The following RTN4 variants were observed in gnomAD, a reference collection of about 807,000 sequenced individuals.
RTN4 encodes reticulon-4.
In RTN4, 32 loss-of-function variants were observed where a neutral mutation model predicts 90.4. The observed-to-expected ratio is 0.35, with a 90% CI of 0.27 to 0.48. The LOEUF (loss-of-function observed/expected upper bound fraction) is 0.48, where lower values mean the gene tolerates loss of function less well. Ranked by LOEUF, RTN4 falls within the 20% of genes least tolerant of loss-of-function variation. RTN4 has a pLI of 0.99. For synonymous variants in RTN4, 629 were observed against 552.5 expected, an observed-to-expected ratio of 1.14 and a Z score of -1.94; for missense variants, 1,706 against 1,430.2, an observed-to-expected ratio of 1.19 and a Z score of -3.11.
Position 55,067,324 on chromosome 2 carries a change from G to T in RTN4, c.-63+13165C>A, listed in dbSNP as rs568049467. Among the ~76,000 whole-genome samples, 225 of 152,104 alleles carry T rather than the reference G, an allele frequency of 1.5e-3. No homozygotes were observed. In the Middle Eastern group the frequency reaches 0.041, roughly 28 times the overall value. ...ACTTTGGAAAGTACAAAGCACCATC[G>T]AAATGGAGTCATTAATGTTTTTAAA... is the stretch of plus-strand genomic sequence containing the variant. On this transcript the variant is annotated intron_variant, in intron 2 of 3. Transcript: ENST00000427710.
At chr2:55,093,576 C>A (rs1426484010) in intron 1 of RTN4, among the ~76,000 whole-genome samples, 2 of 152,208 alleles carry the variant, frequency 1.3e-5, no homozygotes, top group South Asian at 4.1e-4. Flanking sequence ...CCGGAGGAAG[C>A]CCTGAGTCAT....
chr2:55,116,268 C>T (rs867757489), upstream of RTN4, among the ~76,000 whole-genome samples: 11 of 151,944 alleles, frequency 7.2e-5, no homozygotes, highest in African/African-American at 2.7e-4. Context: ...GGACCAGCAG[C>T]TGATAAGACT....
At chr2:55,103,247 A>T (rs559699171) in intron 1 of RTN4, among the ~76,000 whole-genome samples, 20 of 152,218 alleles carry the variant, frequency 1.3e-4, no homozygotes, top group African/African-American at 4.1e-4. Flanking sequence ...GTATGATCTC[A>T]CTTACATGTG....
chr2:55,100,878 A>T (rs574394664), intron 1 of RTN4, among the ~76,000 whole-genome samples: 32 of 146,496 alleles, frequency 2.2e-4, no homozygotes, highest in South Asian at 2.1e-4. Flanking sequence ...CACTCTTAGC[A>T]TTTTTTTTTT....
intron 2 of RTN4, among the ~76,000 whole-genome samples, chr2:55,074,186 G>A (rs1668561791): frequency 6.6e-6 from 1 of 152,172 alleles, no homozygotes; most frequent in Middle Eastern, 3.2e-3. Context: ...CTGAAGCTAG[G>A]TCAGAGATGA....
chr2:54,985,984 A>G (rs2104664508), intron 4 of RTN4, among the ~76,000 whole-genome samples: 1 of 152,350 alleles, frequency 6.6e-6, no homozygotes, highest in African/African-American at 2.4e-5. Flanking sequence ...TGCAGTAGGA[A>G]CTGAATTTTC....
At chr2:55,014,783 G>C (rs1158616784) in intron 3 of RTN4, among the ~76,000 whole-genome samples, 2 of 152,062 alleles carry the variant, frequency 1.3e-5, no homozygotes, top group East Asian at 1.9e-4. Flanking sequence ...CCAAAGTGCT[G>C]GGATTACAGA....
intron 1 of RTN4, among the ~76,000 whole-genome samples, chr2:55,033,841 G>C (rs1252458494): frequency 6.6e-6 from 1 of 152,026 alleles, no homozygotes; most frequent in Non-Finnish European, 1.5e-5. Flanking sequence ...AGAGTGACTG[G>C]GTTATATATC....
chr2:55,048,959 C>T (rs1558853443), intron 1 of RTN4: 1 of 292,644 alleles, frequency 3.4e-6, no homozygotes, highest in Non-Finnish European at 5.1e-6. Context: ...GCAGCTGAAA[C>T]CCCGGCAGAA....
intron 1 of RTN4, among the ~76,000 whole-genome samples, chr2:55,090,154 A>G (rs1573510899): frequency 6.6e-6 from 1 of 152,102 alleles, no homozygotes; most frequent in Admixed American, 6.6e-5. Context: ...GAGTGGAAGG[A>G]TAGGGCTGGA....
At chr2:55,129,488 G>A in the RTN4 span, among the ~76,000 whole-genome samples, 1 of 152,112 alleles carries the variant, frequency 6.6e-6, no homozygotes, top group Non-Finnish European at 1.5e-5. Flanking sequence ...GTTGAGATAG[G>A]AGGATTGCCT....
intron 3 of RTN4, among the ~76,000 whole-genome samples, chr2:55,019,188 T>C (rs1394696873): frequency 6.6e-6 from 1 of 152,148 alleles, no homozygotes; most frequent in Non-Finnish European, 1.5e-5. Flanking sequence ...AATTAGCTAA[T>C]TAATTCATTA....
intron 3 of RTN4, among the ~76,000 whole-genome samples, chr2:54,994,752 G>A (rs117734746): frequency 5.9e-5 from 9 of 152,174 alleles, no homozygotes; most frequent in African/African-American, 1.9e-4. Flanking sequence ...ATCCATATTG[G>A]AAAGGAAGAG....
chr2:54,996,211 A>C (rs1363917762), intron 3 of RTN4, among the ~76,000 whole-genome samples: 1 of 152,244 alleles, frequency 6.6e-6, no homozygotes, highest in East Asian at 1.9e-4. Context: ...AAGATGACTT[A>C]AATAATTGGA....
intron 3 of RTN4, among the ~76,000 whole-genome samples, chr2:55,015,470 C>G (rs1161828780): frequency 1.3e-5 from 2 of 152,064 alleles, no homozygotes; most frequent in Non-Finnish European, 2.9e-5. Context: ...TGAGGGAAAA[C>G]TATAACACAA....
intron 3 of RTN4, among the ~76,000 whole-genome samples, chr2:55,011,173 C>A (rs1028778375): frequency 2.6e-5 from 4 of 152,038 alleles, no homozygotes; most frequent in Non-Finnish European, 5.9e-5. Flanking sequence ...GCATGTGCCA[C>A]CATGCCCAGT....
the RTN4 span, among the ~76,000 whole-genome samples, chr2:55,134,197 T>G: frequency 6.6e-6 from 1 of 151,934 alleles, no homozygotes; most frequent in African/African-American, 2.4e-5. Context: ...CAACCAGAGA[T>G]TGCTTTTGTG....
the RTN4 span, among the ~76,000 whole-genome samples, chr2:55,134,508 T>A: frequency 0.24 from 36,441 of 152,178 alleles, 5,149 homozygotes; most frequent in East Asian, 0.5. Context: ...CCAGCAGGCA[T>A]TCACCTTAGC....
upstream of RTN4, among the ~76,000 whole-genome samples, chr2:55,115,573 A>T (rs1419566920): frequency 6.6e-6 from 1 of 152,224 alleles, no homozygotes; most frequent in Admixed American, 6.5e-5. Context: ...CTTATCACAA[A>T]ATCATGAGAA....
Sources: allele counts gnomAD v4.1 joint callset (sites outside exome capture counted in the v4.1 genomes callset), GRCh38; gene constraint gnomAD v4.1.1; transcripts MANE v1.5; gene names NCBI Gene and HGNC (gene_info 2026-07-23, HGNC 2026-07-21).